Variants in NEO1 observed in about 807,000 individuals in gnomAD.
NEO1 encodes neogenin 1.
NEO1 carries 63 observed loss-of-function variants against 159.7 expected under a neutral mutation model. The observed-to-expected ratio is 0.39, with a 90% CI of 0.32 to 0.49. The LOEUF (loss-of-function observed/expected upper bound fraction) is 0.49. Among genes scored for constraint, NEO1 ranks in the 20% least tolerant of loss-of-function variants. The pLI is 0.85. For missense variants in NEO1, 1,615 were observed against 1,831.0 expected, an observed-to-expected ratio of 0.88 and a Z score of 2.15; for synonymous variants, 633 against 662.0, an observed-to-expected ratio of 0.96 and a Z score of 0.67.
chr15:73,098,219 G>A (rs541191708), intron 1 of NEO1, among the ~76,000 whole-genome samples: 5 of 152,116 alleles, frequency 3.3e-5, no homozygotes, highest in Admixed American at 2.6e-4. Flanking sequence ...TTTGGTTACT[G>A]GGTTCTTAAA....
chr15:73,293,653 T>C (rs1228045956), intron 26 of NEO1, 105 bp downstream of exon 26: 1 of 1,257,222 alleles, frequency 8.0e-7, no homozygotes, highest in African/African-American at 1.5e-5. Context: ...GGAATTTTTC[T>C]GTTTTATTTA....
At chr15:73,183,359 C>G (rs186652530) in intron 7 of NEO1, among the ~76,000 whole-genome samples, 24 of 152,266 alleles carry the variant, frequency 1.6e-4, no homozygotes, top group African/African-American at 5.8e-4. Flanking sequence ...GAAGTCAAAC[C>G]CCTGTGCTGC....
At chr15:73,116,918 A>T in intron 2 of NEO1, 61 bp downstream of exon 2, 4 of 1,312,928 alleles carry the variant, frequency 3.0e-6, no homozygotes. Context: ...CATCTTGATA[A>T]AAGCACTGTT....
chr15:73,301,282 A>C (rs1210838033), intron 27 of NEO1, 39 bp from the exon 28 acceptor site: 3 of 1,613,308 alleles, frequency 1.9e-6, no homozygotes, highest in Non-Finnish European at 2.5e-6. Context: ...TAGGGGAGGC[A>C]GGCTTGGCCA....
At chr15:73,181,426 T>G (rs2035606246) in intron 7 of NEO1, among the ~76,000 whole-genome samples, 1 of 152,164 alleles carries the variant, frequency 6.6e-6, no homozygotes, top group Non-Finnish European at 1.5e-5. Flanking sequence ...TGTTCTTGCA[T>G]TGCTATAAAG....
chr15:73,301,178 TTCCAGTA>T, intron 27 of NEO1, 136 bp from the exon 28 acceptor site: 1 of 1,038,838 alleles, frequency 9.6e-7, no homozygotes, highest in Non-Finnish European at 1.4e-6. Flanking sequence ...TTCCCTCTTA[TTCCAGTA>T]ACTTTTCAGA....
At chr15:73,197,681 CTTT>C (rs34893810) in intron 7 of NEO1, among the ~76,000 whole-genome samples, 2 of 132,360 alleles carry the variant, frequency 1.5e-5, no homozygotes, top group Non-Finnish European at 3.2e-5. Context: ...TTATACCTAC[CTTT>C]TTTTTTTTTT....
chr15:73,213,400 T>G (rs1279110571), intron 7 of NEO1, among the ~76,000 whole-genome samples: 1 of 152,192 alleles, frequency 6.6e-6, no homozygotes, highest in African/African-American at 2.4e-5. Context: ...ACCATATTTG[T>G]AGTCTTTTGT....
At chr15:73,301,068 T>C (rs1452831972) in intron 27 of NEO1, among the ~76,000 whole-genome samples, 1 of 152,230 alleles carries the variant, frequency 6.6e-6, no homozygotes, top group African/African-American at 2.4e-5. Flanking sequence ...CAAGGGTTTG[T>C]GGACTACCAC....
At position 73,288,302 on chromosome 15, in the gene NEO1, T is replaced by C; in HGVS notation, c.3411-11T>C. Reference sequence around the variant, plus strand: ...TTACTTTTTAAAAGCTCCTCTGAACTTCGTGCCTAGGAAACGAGCTGCCTG... The same window carrying C: ...TTACTTTTTAAAAGCTCCTCTGAACCTCGTGCCTAGGAAACGAGCTGCCTG... On this transcript the variant is annotated splice_polypyrimidine_tract_variant and intron_variant, in intron 23 of 28. Coordinates refer to ENST00000261908, the MANE Select transcript of NEO1 (RefSeq NM_002499.4). The C allele has an allele frequency of 4.4e-6, 7 of 1,608,298 alleles. No individual in the cohort carries two copies. The highest frequency in any genetic ancestry group is 5.1e-6 in the Non-Finnish European group (6 of 1,174,994).
chr15:73,180,090 T>A (rs2035515565), intron 7 of NEO1, among the ~76,000 whole-genome samples: 1 of 152,162 alleles, frequency 6.6e-6, no homozygotes. Flanking sequence ...CTGAAACATT[T>A]TTCATTTTGA....
At chr15:73,207,338 A>G (rs954660352) in intron 7 of NEO1, among the ~76,000 whole-genome samples, 2 of 152,212 alleles carry the variant, frequency 1.3e-5, no homozygotes, top group Non-Finnish European at 2.9e-5. Context: ...CCACACAGCT[A>G]ATATATCTGT....
intron 1 of NEO1, among the ~76,000 whole-genome samples, chr15:73,059,232 C>T (rs1567099358): frequency 6.6e-6 from 1 of 152,098 alleles, no homozygotes; most frequent in Non-Finnish European, 1.5e-5. Context: ...GACCCCTTTA[C>T]ATAAAGAAAA....
At chr15:73,088,437 C>T (rs2069487663) in intron 1 of NEO1, among the ~76,000 whole-genome samples, 1 of 151,766 alleles carries the variant, frequency 6.6e-6, no homozygotes, top group Non-Finnish European at 1.5e-5. Flanking sequence ...TAGGTTGAGA[C>T]CTGAAATAGC....
intron 7 of NEO1, 38 bp downstream of exon 7, chr15:73,178,465 G>A (rs753925154): frequency 5.6e-6 from 9 of 1,608,126 alleles, no homozygotes; most frequent in South Asian, 3.3e-5. Flanking sequence ...TAGAGGCTGT[G>A]TGCTTGATGA....
At position 73,288,424 on chromosome 15, in the gene NEO1, C is replaced by G; in HGVS notation, c.3522C>G (p.Pro1174=). The change falls in exon 24 of 29, where the codon CCC becomes CCG. Residue 1174 remains proline (P), a synonymous_variant. Transcript: ENST00000261908. The part of the protein sequence containing the change: ...WIHHERLELK[P]IDKSPDPNPI... ...ATCATGAGAGACTGGAGCTGAAACC[C>G]ATTGATAAGTCTCCAGACCCAAACC... 1.2e-6 allele frequency: 2 copies of G among 1,614,098 alleles called. No individual in the cohort carries two copies. Among genetic ancestry groups the G allele is most frequent in the Non-Finnish European group, 1.7e-6 (2 of 1,180,004 alleles).
rs1289076658 is a variant in NEO1, at chr15:73,258,850, C to T, written c.2177C>T (p.Ala726Val). 6.2e-7 allele frequency: 1 copy of T among 1,613,790 alleles called. No homozygotes were observed. The highest frequency in any genetic ancestry group is 8.5e-7 in the Non-Finnish European group (1 of 1,179,832). ...GGCCCGGCAACTGACTGGCTGTCTG[C>T]TGAAACTTTTGAAAGTGACCTAGAT... ...GTGPATDWLS[A>V]ETFESDLDET... Residue 726 changes from alanine (A) to valine (V), a missense_variant, in exon 14 of 29, where the codon GCT (alanine) becomes GTT (valine). Physicochemically the swap from Ala to Val is moderately conservative, Grantham distance 64 (BLOSUM62 0). Coordinates refer to ENST00000261908, the MANE Select transcript of NEO1 (RefSeq NM_002499.4).
chr15:73,170,945 A>G (rs1462660469), intron 5 of NEO1, among the ~76,000 whole-genome samples: 1 of 152,022 alleles, frequency 6.6e-6, no homozygotes, highest in Non-Finnish European at 1.5e-5. Flanking sequence ...AGAGATAGAC[A>G]CACATGATGA....
intron 7 of NEO1, among the ~76,000 whole-genome samples, chr15:73,215,195 T>C (rs2037804687): frequency 6.6e-6 from 1 of 152,212 alleles, no homozygotes; most frequent in African/African-American, 2.4e-5. Flanking sequence ...TTTAGGGTTT[T>C]CAGCGTAAAC....
Sources: allele counts gnomAD v4.1 joint callset (sites outside exome capture counted in the v4.1 genomes callset), GRCh38; gene constraint gnomAD v4.1.1; transcripts MANE v1.5; gene names NCBI Gene and HGNC (gene_info 2026-07-23, HGNC 2026-07-21).